EPS8L3: variants seen among roughly 807,000 people sequenced by gnomAD.
The protein encoded by EPS8L3 is EPS8 signaling adaptor L3.
A neutral mutation model predicts 88.5 loss-of-function variants in EPS8L3; 80 were observed. The observed-to-expected ratio is 0.90, with a 90% CI of 0.75 to 1.09. The LOEUF (loss-of-function observed/expected upper bound fraction) is 1.09, where lower values mean the gene tolerates loss of function less well. Among genes scored for constraint, EPS8L3 ranks in the 50% least tolerant of loss-of-function variants. The probability of loss-of-function intolerance (pLI) is 0.00; values close to 1 mark genes in which losing one functional copy is unlikely to be tolerated. For synonymous variants in EPS8L3, 286 were observed against 291.0 expected (o/e 0.98, Z 0.18); for missense variants, 721 against 735.2 (o/e 0.98, Z 0.22).
At chr1:109,751,453 C>A in intron 16 of EPS8L3, 102 bp from the exon 17 acceptor site, 1 of 1,398,134 alleles carries the variant, frequency 7.2e-7, no homozygotes, top group Non-Finnish European at 9.9e-7. Flanking sequence ...CAAATCACTT[C>A]TCTTACTCTG....
intron 3 of EPS8L3, among the ~76,000 whole-genome samples, chr1:109,760,469 A>G (rs1003065595): frequency 1.3e-5 from 2 of 152,010 alleles, no homozygotes; most frequent in Non-Finnish European, 2.9e-5. Context: ...TTCTTGTGGT[A>G]GGGAGATGCA....
chr1:109,761,446 A>G (rs763977977), intron 3 of EPS8L3, 49 bp downstream of exon 3: 4 of 1,541,874 alleles, frequency 2.6e-6, no homozygotes, highest in South Asian at 2.3e-5. Flanking sequence ...GGCACATGGG[A>G]ACACTTGGGT....
At chr1:109,752,252 C>T in intron 14 of EPS8L3, 59 bp from the exon 15 acceptor site, 2 of 1,507,232 alleles carry the variant, frequency 1.3e-6, no homozygotes, top group South Asian at 1.2e-5. Context: ...GCCTATGTCC[C>T]AGCCCTGAGA....
chr1:109,751,183 A>G, intron 17 of EPS8L3, 95 bp downstream of exon 17: 1 of 1,108,458 alleles, frequency 9.0e-7, no homozygotes, highest in South Asian at 1.4e-5. Context: ...GTCATGTACA[A>G]TGTAGGCCAG....
At chr1:109,760,230 T>C (rs1650772598) in intron 3 of EPS8L3, among the ~76,000 whole-genome samples, 1 of 152,186 alleles carries the variant, frequency 6.6e-6, no homozygotes, top group Admixed American at 6.5e-5. Context: ...TTGTTCCTTT[T>C]GGGAACTCAG....
At position 109,752,136 on chromosome 1, in the gene EPS8L3, G is replaced by C. The variant is rs1448516555; in HGVS notation, c.1293C>G (p.Asn431Lys). The C allele has an allele frequency of 6.2e-7, 1 of 1,614,160 alleles. No individual in the cohort carries two copies. Among genetic ancestry groups the C allele is most frequent in the Non-Finnish European group, 8.5e-7 (1 of 1,180,022 alleles). ...TGGGGTCCCCAGGCTGAGGGTCATG[G>C]TTGTGTGTCTTCTCCTGAGGAAAGT... The part of the protein sequence containing the change: ...TSHFPQEKTH[N>K]HDPQPGDPNS... Residue 431 changes from asparagine to lysine, a missense_variant, in exon 15 of 19, where the codon AAC becomes AAG. Asn to Lys is a moderately conservative substitution (Grantham distance 94). Coordinates refer to ENST00000361965, the MANE Select transcript of EPS8L3 (RefSeq NM_133181.4).
intron 14 of EPS8L3, 190 bp from the exon 15 acceptor site, chr1:109,752,383 A>T (rs150599964): frequency 3.2e-6 from 2 of 625,754 alleles, no homozygotes; most frequent in East Asian, 5.5e-5. Flanking sequence ...AATGTCATTG[A>T]TTTCTGAAGA....
chr1:109,758,557 G>A lies in EPS8L3; in HGVS notation c.568C>T (p.Pro190Ser). The change falls in exon 7 of 19, where the codon CCA becomes TCA. Residue 190 changes from proline (P) to serine (S), a missense_variant. Coordinates refer to ENST00000361965, the MANE Select transcript of EPS8L3 (RefSeq NM_133181.4). ...QARYLEPGIP[P>S]EQPHQRTLEH... Reference sequence around the variant, plus strand: ...AGGGTCCTCTGGTGGGGCTGTTCTGGAGGGATCCCCGGCTCCAGATAGCGT... The same window carrying A: ...AGGGTCCTCTGGTGGGGCTGTTCTGAAGGGATCCCCGGCTCCAGATAGCGT... 2 of 1,612,574 alleles carry A rather than the reference G, an allele frequency of 1.2e-6. No homozygotes were observed. Among genetic ancestry groups the A allele is most frequent in the Non-Finnish European group, 1.7e-6 (2 of 1,179,162 alleles).
intron 12 of EPS8L3, among the ~76,000 whole-genome samples, chr1:109,753,589 A>G (rs572053574): frequency 6.6e-6 from 1 of 152,320 alleles, no homozygotes; most frequent in Non-Finnish European, 1.5e-5. Context: ...TTAGTTTCCC[A>G]GCAGCAGATC....
In EPS8L3 at chr1:109,751,297, C is replaced by T. The variant is rs1435565218; in HGVS notation, c.1618G>A (p.Ala540Thr). 4.3e-6 allele frequency: 7 copies of T among 1,613,804 alleles called. No individual in the cohort carries two copies. Among genetic ancestry groups the T allele is most frequent in the Admixed American group, 1.7e-5 (1 of 59,992 alleles). Reference protein sequence around the residue: ...RPEEVTDWLQAENFSTATVRT... With the variant: ...RPEEVTDWLQTENFSTATVRT... ...ACTCACGCAGTGGAGAAGTTCTCTG[C>T]CTGCAGCCAGTCTGTGACCTCTTCA... The change falls in exon 17 of 19, where the codon GCA becomes ACA. Residue 540 changes from alanine (A) to threonine (T), a missense_variant. Coordinates refer to ENST00000361965, the MANE Select transcript of EPS8L3 (RefSeq NM_133181.4).
At chr1:109,758,773 C>A in intron 6 of EPS8L3, 110 bp from the exon 7 acceptor site, 2 of 1,365,624 alleles carry the variant, frequency 1.5e-6, no homozygotes, top group Non-Finnish European at 2.0e-6. Context: ...CTCCAGGAGT[C>A]CCACCCCCTG....
At chr1:109,751,159 G>C (rs142748432) in intron 17 of EPS8L3, 119 bp downstream of exon 17, 4 of 836,836 alleles carry the variant, frequency 4.8e-6, no homozygotes, top group Non-Finnish European at 7.6e-6. Context: ...CAGCAGAGAC[G>C]GTGCTGGATC....
intron 6 of EPS8L3, 55 bp from the exon 7 acceptor site, chr1:109,758,718 C>T (rs186606551): frequency 2.6e-6 from 4 of 1,514,490 alleles, no homozygotes; most frequent in African/African-American, 2.8e-5. Context: ...GGAGAGAGGC[C>T]CTCCCCACAA....
In EPS8L3 at chr1:109,753,132, TG is replaced by T; in HGVS notation, c.1184del (p.Pro395GlnfsTer9). The T allele has an allele frequency of 6.2e-7, 1 of 1,613,626 alleles. No individual in the cohort carries two copies. Among genetic ancestry groups the T allele is most frequent in the Non-Finnish European group, 8.5e-7 (1 of 1,179,768 alleles). ...CTCCCCTTACTTGGCTGGAGGGCTC[TG>T]GAAGTTGCCAGTCATCTGAGAATGT... Reference protein sequence around the residue: ...QPTFSDDWQLPEPSSQAPLGY... With the variant: ...QPTFSDDWQLXEPSSQAPLGY... On this transcript the variant is annotated frameshift_variant, in exon 13 of 19. Transcript: ENST00000361965. LOFTEE classifies it high-confidence loss of function.
Position 109,757,067 on chromosome 1 carries a change from T to G in EPS8L3, c.1068A>C (p.Pro356=), listed in dbSNP as rs771750733. ...ACCCCATCCAAAGGTTACTCTCAGG[T>G]GGGCTTAGACAGGACTGTAGCAGGT... The part of the protein sequence containing the change: ...AINLLQSCLS[P]PESNLWMGLG... Residue 356 remains proline (P), a synonymous_variant, in exon 12 of 19, where the codon CCA becomes CCC. Transcript: ENST00000361965. 6 of 1,613,984 alleles carry G rather than the reference T, an allele frequency of 3.7e-6. No homozygotes were observed. Among genetic ancestry groups the G allele is most frequent in the Admixed American group, 3.3e-5 (2 of 60,004 alleles).
Position 109,761,745 on chromosome 1 carries a change from G to A in EPS8L3, c.5C>T (p.Ser2Leu), listed in dbSNP as rs1387322382. MSRPSSRAIYLH... is the reference protein window; with the variant it reads MLRPSSRAIYLH... ...GTAAATGGCTCTGCTGCTGGGCCTT[G>A]ACATGTTGACGCTGCTGAGGACGGC... Residue 2 changes from serine to leucine, a missense_variant, in exon 2 of 19, where the codon TCA becomes TTA. Transcript: ENST00000361965. 5 of 1,613,910 alleles carry A rather than the reference G, an allele frequency of 3.1e-6. No homozygotes were observed. The highest frequency in any genetic ancestry group is 1.3e-5 in the African/African-American group (1 of 74,900).
chr1:109,752,157 A>G lies in EPS8L3; in HGVS notation c.1272T>C (p.Phe424=), dbSNP rs755145639. 13 of 1,613,854 alleles carry G rather than the reference A, an allele frequency of 8.1e-6. No individual in the cohort carries two copies. In the African/African-American group the frequency reaches 1.3e-4, roughly 17 times the overall value. The part of the protein sequence containing the change: ...GSHRLGSTSH[F]PQEKTHNHDP... ...CATGGTTGTGTGTCTTCTCCTGAGG[A>G]AAGTGTGAGGTGCTCCCTAACCTAT... Residue 424 remains phenylalanine (F), a synonymous_variant, in exon 15 of 19, where the codon TTT becomes TTC. Transcript: ENST00000361965.
In EPS8L3 at chr1:109,759,774, C is replaced by T. The variant is rs1337407435; in HGVS notation, c.159G>A (p.Lys53=). The T allele has an allele frequency of 6.2e-7, 1 of 1,614,160 alleles. No individual in the cohort carries two copies. Among genetic ancestry groups the T allele is most frequent in the Non-Finnish European group, 8.5e-7 (1 of 1,180,040 alleles). Reference sequence around the variant, plus strand: ...GGCCCTGTGCATCCATCTCGAACAGCTTCTGCAAGGCATCCTCGGGCCCCT... The same window carrying T: ...GGCCCTGTGCATCCATCTCGAACAGTTTCTGCAAGGCATCCTCGGGCCCCT... ...RVQGPEDALQ[K]LFEMDAQGRV... Residue 53 remains lysine (K), a synonymous_variant, in exon 4 of 19, where the codon AAG becomes AAA. Transcript: ENST00000361965. This position sits in a 1 kb window ranked among gnomAD's most constrained non-coding sequence, Gnocchi z 4.2.
At chr1:109,763,210 T>C (rs1255955866) in intron 1 of EPS8L3, among the ~76,000 whole-genome samples, 2 of 152,134 alleles carry the variant, frequency 1.3e-5, no homozygotes, top group Non-Finnish European at 2.9e-5. Flanking sequence ...GGATCTCTGG[T>C]TTCCTTGTTT....
Sources: allele counts gnomAD v4.1 joint callset (sites outside exome capture counted in the v4.1 genomes callset), GRCh38; gene constraint gnomAD v4.1.1; non-coding constraint Gnocchi (gnomAD v3.1); transcripts MANE v1.5; gene names NCBI Gene and HGNC (gene_info 2026-07-23, HGNC 2026-07-21).